DUSP10: variants seen among roughly 807,000 people sequenced by gnomAD.
DUSP10 encodes dual specificity phosphatase 10.
DUSP10 carries 14 observed loss-of-function variants against 30.8 expected under a neutral mutation model. The ratio of observed to expected loss-of-function variants is 0.46; its 90% CI spans 0.30 to 0.71. The LOEUF is 0.71. Ranked by LOEUF, DUSP10 falls within the 30% of genes least tolerant of loss-of-function variation. The pLI is 0.08. For synonymous variants in DUSP10, 254 were observed against 250.4 expected (o/e 1.01, Z -0.14); for missense variants, 550 against 619.4 (o/e 0.89, Z 1.19).
At chr1:221,710,642 C>A (rs971590654) in intron 2 of DUSP10, among the ~76,000 whole-genome samples, 1 of 151,970 alleles carries the variant, frequency 6.6e-6, no homozygotes, top group Non-Finnish European at 1.5e-5. Flanking sequence ...CCAAGGTATC[C>A]GAGCAGTTTT....
At chr1:221,740,636 A>C (rs1269638474) in intron 1 of DUSP10, among the ~76,000 whole-genome samples, 1 of 151,884 alleles carries the variant, frequency 6.6e-6, no homozygotes, top group Non-Finnish European at 1.5e-5. Context: ...TCCCCTCTTC[A>C]TCTCCCTGGC....
At chr1:221,722,196 A>G (rs553427415) in intron 2 of DUSP10, among the ~76,000 whole-genome samples, 3 of 152,388 alleles carry the variant, frequency 2.0e-5, no homozygotes, top group East Asian at 1.9e-4. Context: ...AAGGGCTGTT[A>G]CAGCCCTAGA....
chr1:221,729,390 A>G (rs1661512570), intron 2 of DUSP10, among the ~76,000 whole-genome samples: 1 of 152,224 alleles, frequency 6.6e-6, no homozygotes, highest in Admixed American at 6.5e-5. Context: ...AACTAAAGCC[A>G]CCATAAGGAA....
At chr1:221,721,086 T>C (rs937706267) in intron 2 of DUSP10, among the ~76,000 whole-genome samples, 2 of 152,360 alleles carry the variant, frequency 1.3e-5, no homozygotes, top group South Asian at 2.1e-4. Context: ...GAGCTAATAA[T>C]AGTCCTAACA....
chr1:221,732,346 G>T (rs1174082731), intron 2 of DUSP10, among the ~76,000 whole-genome samples: 2 of 152,106 alleles, frequency 1.3e-5, no homozygotes, highest in Non-Finnish European at 2.9e-5. Context: ...AAACCACTAG[G>T]TTCCCCAGAT....
Position 221,702,594 on chromosome 1 carries a change from A to G in DUSP10, c.1267T>C (p.Leu423=). The G allele has an allele frequency of 6.2e-7, 1 of 1,614,198 alleles. No individual in the cohort carries two copies. The highest frequency in any genetic ancestry group is 1.7e-5 in the Admixed American group (1 of 60,028). Residue 423 remains leucine (L), a synonymous_variant, in exon 4 of 4, where the codon TTG becomes CTG. Transcript: ENST00000366899. This position sits in a 1 kb window ranked among gnomAD's most constrained non-coding sequence, Gnocchi z 4.5. ...ATGGTCATCCGAGTGTGCTTCATCAAGTAAGCGATGACGATGGTGGCGGAG... is the reference window on the plus strand; with the variant it reads ...ATGGTCATCCGAGTGTGCTTCATCAGGTAAGCGATGACGATGGTGGCGGAG... The part of the protein sequence containing the change: ...SRSATIVIAY[L]MKHTRMTMTD...
chr1:221,732,314 G>GAAACCACTAGGTTAACAGCTT (rs1235951891), intron 2 of DUSP10, among the ~76,000 whole-genome samples: 1 of 152,198 alleles, frequency 6.6e-6, no homozygotes, highest in South Asian at 2.1e-4. Flanking sequence ...GTTAACAGCT[G>GAAACCACTAGGTTAACAGCTT]AAACCACTAG....
intron 2 of DUSP10, among the ~76,000 whole-genome samples, chr1:221,734,131 C>T (rs916275122): frequency 1.3e-5 from 2 of 152,188 alleles, no homozygotes; most frequent in Non-Finnish European, 2.9e-5. Context: ...AGTCCACAAT[C>T]CTTATTCCAA....
intron 2 of DUSP10, among the ~76,000 whole-genome samples, chr1:221,709,967 T>C (rs1412299840): frequency 6.6e-6 from 1 of 152,092 alleles, no homozygotes; most frequent in Non-Finnish European, 1.5e-5. Context: ...GCATGGAGGT[T>C]AAGAGCAAAG....
At chr1:221,725,833 T>C (rs1313650387) in intron 2 of DUSP10, among the ~76,000 whole-genome samples, 1 of 152,240 alleles carries the variant, frequency 6.6e-6, no homozygotes, top group Non-Finnish European at 1.5e-5. Flanking sequence ...CTCTTGCTGC[T>C]TTTATTGTCC....
intron 2 of DUSP10, among the ~76,000 whole-genome samples, chr1:221,726,578 T>C (rs1478026468): frequency 6.6e-6 from 1 of 152,170 alleles, no homozygotes; most frequent in African/African-American, 2.4e-5. Flanking sequence ...AATATTATGT[T>C]TTTCTTTCTA....
chr1:221,715,716 T>A (rs929758538), intron 2 of DUSP10, among the ~76,000 whole-genome samples: 3 of 152,212 alleles, frequency 2.0e-5, no homozygotes, highest in Admixed American at 6.5e-5. Flanking sequence ...GTCATGTAAT[T>A]TTCCACAAAG....
chr1:221,725,202 G>A (rs920489416), intron 2 of DUSP10, among the ~76,000 whole-genome samples: 3 of 152,134 alleles, frequency 2.0e-5, no homozygotes, highest in African/African-American at 4.8e-5. Context: ...CCTGGAAAAA[G>A]CTCCACATTG....
In DUSP10 at chr1:221,706,456, A is replaced by G; in HGVS notation, c.822T>C (p.Ser274=). The part of the protein sequence containing the change: ...KEPLVLKGGL[S]SFKQNHENLC... ...GGTTTTCATGGTTCTGCTTAAAACTACTAAGTCCACCTAGAACACAAACAC... is the reference window on the plus strand; with the variant it reads ...GGTTTTCATGGTTCTGCTTAAAACTGCTAAGTCCACCTAGAACACAAACAC... The change falls in exon 3 of 4, where the codon AGT becomes AGC. Residue 274 remains serine, a synonymous_variant. Coordinates refer to ENST00000366899, the MANE Select transcript of DUSP10 (RefSeq NM_007207.6). This position sits in a 1 kb window ranked among gnomAD's most constrained non-coding sequence, Gnocchi z 4.6. The G allele has an allele frequency of 6.6e-7, 1 of 1,513,002 alleles. No individual in the cohort carries two copies. The highest frequency in any genetic ancestry group is 1.3e-5 in the South Asian group (1 of 74,350). The allele number at this position is 1,513,002 out of a possible 1,614,324, so 93.7% of individuals were successfully genotyped here.
At chr1:221,728,272 T>A (rs6604667) in intron 2 of DUSP10, among the ~76,000 whole-genome samples, 107,650 of 151,664 alleles carry the variant, frequency 0.71, 39,608 homozygotes, top group African/African-American at 0.9. Flanking sequence ...AAATGAACTT[T>A]GTGACGAAAT....
At chr1:221,732,756 C>CT (rs1661654901) in intron 2 of DUSP10, among the ~76,000 whole-genome samples, 1 of 152,182 alleles carries the variant, frequency 6.6e-6, no homozygotes, top group African/African-American at 2.4e-5. Flanking sequence ...GTTAGAATCA[C>CT]TTTGGGAGCT....
At chr1:221,709,531 T>C (rs1287056812) in intron 2 of DUSP10, among the ~76,000 whole-genome samples, 1 of 152,128 alleles carries the variant, frequency 6.6e-6, no homozygotes, top group East Asian at 1.9e-4. Flanking sequence ...AAGGAAATTC[T>C]CCTTGAGGGG....
intron 3 of DUSP10, among the ~76,000 whole-genome samples, chr1:221,703,177 ATATATG>A (rs1314927746): frequency 5.3e-5 from 8 of 149,578 alleles, no homozygotes; most frequent in Non-Finnish European, 8.9e-5. Context: ...ACTCACACAT[ATATATG>A]TATATGTATG....
rs80045462 is a variant in DUSP10, at chr1:221,709,288, G to C, written c.812-2822C>G. 2.6e-5 allele frequency among the ~76,000 whole-genome samples: 4 copies of C among 151,908 alleles called. No homozygotes were observed. The East Asian group carries it at 7.7e-4, about 29-fold the overall frequency. Reference sequence around the variant, plus strand: ...ATGATGTAATGCTAACAGGTGGCATGGGCCTTCCATTTGCCTAATGGGGGG... The same window carrying C: ...ATGATGTAATGCTAACAGGTGGCATCGGCCTTCCATTTGCCTAATGGGGGG... On this transcript the variant is annotated intron_variant, in intron 2 of 3. Transcript: ENST00000366899.
Sources: gnomAD v4.1 joint callset for allele counts (sites outside exome capture counted in the v4.1 genomes callset) on GRCh38, gnomAD v4.1.1 for gene constraint, Gnocchi (gnomAD v3.1) non-coding constraint, MANE v1.5 for transcripts, NCBI Gene and HGNC (gene_info 2026-07-23, HGNC 2026-07-21) for gene names.